SYT17: variants seen among roughly 807,000 people sequenced by gnomAD.
The protein encoded by SYT17 is synaptotagmin-17.
SYT17 carries 22 observed loss-of-function variants against 46.7 expected under a neutral mutation model. The observed-to-expected ratio is 0.47, with a 90% CI of 0.34 to 0.67. The LOEUF (loss-of-function observed/expected upper bound fraction) is 0.67. Ranked by LOEUF, SYT17 falls within the 30% of genes least tolerant of loss-of-function variation. SYT17 has a pLI of 0.01. For synonymous variants in SYT17, 251 were observed against 248.4 expected (o/e 1.01, Z -0.10); for missense variants, 519 against 612.8 (o/e 0.85, Z 1.62).
chr16:19,169,080 G>A (rs1483980732), intron 1 of SYT17, among the ~76,000 whole-genome samples: 1 of 151,978 alleles, frequency 6.6e-6, no homozygotes, highest in East Asian at 1.9e-4. Context: ...CCGGCGGAGC[G>A]AGCCTGAGGC....
intron 6 of SYT17, 49 bp downstream of exon 6, chr16:19,223,214 G>A: frequency 6.3e-7 from 1 of 1,596,172 alleles, no homozygotes; most frequent in Non-Finnish European, 8.6e-7. Flanking sequence ...GGGCATCTGT[G>A]TTTGTGTGGA....
intron 5 of SYT17, among the ~76,000 whole-genome samples, chr16:19,186,206 A>T (rs1409727220): frequency 1.3e-5 from 2 of 151,942 alleles, no homozygotes; most frequent in Non-Finnish European, 2.9e-5. Context: ...GCTGAGTGCA[A>T]TGGCTCACAC....
chr16:19,178,384 C>T (rs1187388623), intron 3 of SYT17, among the ~76,000 whole-genome samples: 1 of 151,970 alleles, frequency 6.6e-6, no homozygotes, highest in African/African-American at 2.4e-5. Flanking sequence ...CGTGCCCGCC[C>T]AGTTTCAAGT....
At chr16:19,173,002 A>T in intron 2 of SYT17, 1 of 601,578 alleles carries the variant, frequency 1.7e-6, no homozygotes, top group Non-Finnish European at 2.9e-6. Context: ...ATTCCGTTTG[A>T]TTATCTCTGT....
At chr16:19,229,763 G>T (rs917502135) in intron 7 of SYT17, among the ~76,000 whole-genome samples, 3 of 152,204 alleles carry the variant, frequency 2.0e-5, no homozygotes, top group African/African-American at 7.2e-5. Context: ...GTACACCTAC[G>T]TTCATAGCAG....
At chr16:19,208,987 G>A (rs889938092) in intron 5 of SYT17, among the ~76,000 whole-genome samples, 2 of 137,468 alleles carry the variant, frequency 1.5e-5, no homozygotes, top group Non-Finnish European at 3.0e-5. Context: ...CTGCCTTTCG[G>A]GTTCAAGGGA....
chr16:19,173,392 T>TC, intron 2 of SYT17, 38 bp from the exon 3 acceptor site: 11 of 102,126 alleles, frequency 1.1e-4, no homozygotes, highest in South Asian at 8.6e-4. Context: ...ACCTCCCCTC[T>TC]CCCCCATCCC....
chr16:19,178,755 C>T (rs1351107370), intron 3 of SYT17, among the ~76,000 whole-genome samples: 2 of 152,144 alleles, frequency 1.3e-5, no homozygotes, highest in Non-Finnish European at 2.9e-5. Context: ...AAATCTACAG[C>T]CATTATGGCT....
intron 5 of SYT17, among the ~76,000 whole-genome samples, chr16:19,210,471 G>A (rs565274372): frequency 6.8e-6 from 1 of 146,000 alleles, no homozygotes; most frequent in Non-Finnish European, 1.5e-5. Flanking sequence ...TTTTTAAAAG[G>A]GTATTTTTTT....
chr16:19,168,186 G>T (rs1280886249), upstream of SYT17: 2 of 192,912 alleles, frequency 1.0e-5, no homozygotes, highest in African/African-American at 4.8e-5. This position sits in a 1 kb window ranked among gnomAD's most constrained non-coding sequence, Gnocchi z 6.9. Flanking sequence ...GCTGACCTGT[G>T]TACCGCCCCC....
intron 7 of SYT17, among the ~76,000 whole-genome samples, chr16:19,251,349 C>A (rs1968052718): frequency 6.6e-6 from 1 of 152,172 alleles, no homozygotes; most frequent in Non-Finnish European, 1.5e-5. Context: ...CAGACACATG[C>A]CACATTAACC....
At position 19,168,869 on chromosome 16, in the gene SYT17, G is replaced by T. The variant is rs965419706; in HGVS notation, c.15+208G>T. On this transcript the variant is annotated intron_variant, in intron 1 of 7. Transcript: ENST00000355377. The surrounding 1 kb of genome is among the most constrained non-coding windows in gnomAD (Gnocchi z 6.9). ...GGGACCCCCAAACCCCGGGATGGAG[G>T]GTCCTATGTGTACTCTGCAACGCGC... Among the ~76,000 whole-genome samples, 1 of 152,138 alleles carries T rather than the reference G, an allele frequency of 6.6e-6. No individual in the cohort carries two copies. Among genetic ancestry groups the T allele is most frequent in the Non-Finnish European group, 1.5e-5 (1 of 68,012 alleles).
intron 5 of SYT17, among the ~76,000 whole-genome samples, chr16:19,218,316 G>A (rs1966173003): frequency 6.6e-6 from 1 of 152,196 alleles, no homozygotes; most frequent in Middle Eastern, 3.4e-3. Flanking sequence ...TCTATCAACT[G>A]CTCCCCTGAC....
At chr16:19,172,190 A>T in intron 1 of SYT17, 1 of 316,390 alleles carries the variant, frequency 3.2e-6, no homozygotes, top group African/African-American at 2.2e-5. Flanking sequence ...GGAAGGGAGG[A>T]CCTCCTTCCT....
chr16:19,221,316 G>A (rs976932901), intron 5 of SYT17, among the ~76,000 whole-genome samples: 4 of 152,076 alleles, frequency 2.6e-5, no homozygotes, highest in Non-Finnish European at 5.9e-5. Context: ...TTAGGAGCCT[G>A]ACTAAAGTTT....
intron 7 of SYT17, among the ~76,000 whole-genome samples, chr16:19,231,012 G>A (rs1166053232): frequency 2.6e-5 from 4 of 152,148 alleles, no homozygotes; most frequent in Non-Finnish European, 5.9e-5. Flanking sequence ...AAATAATATA[G>A]TTTATCTACG....
chr16:19,264,596 C>CGT (rs1555465065), intron 7 of SYT17, among the ~76,000 whole-genome samples: 6 of 145,436 alleles, frequency 4.1e-5, no homozygotes, highest in African/African-American at 1.3e-4. Context: ...TTTCCCCCAC[C>CGT]TTTTTTTTTT....
intron 7 of SYT17, among the ~76,000 whole-genome samples, chr16:19,239,228 A>T (rs1354971551): frequency 1.3e-5 from 2 of 152,056 alleles, no homozygotes; most frequent in African/African-American, 4.8e-5. Flanking sequence ...AGTGAGCTAT[A>T]ATCATACCAC....
chr16:19,243,798 A>G (rs1967314232), intron 7 of SYT17, among the ~76,000 whole-genome samples: 1 of 139,562 alleles, frequency 7.2e-6, no homozygotes, highest in African/African-American at 2.7e-5. Context: ...AGCCTGGGCA[A>G]CAAGAGCGAA....
Sources: gnomAD v4.1 joint callset for allele counts (sites outside exome capture counted in the v4.1 genomes callset) on GRCh38, gnomAD v4.1.1 for gene constraint, Gnocchi (gnomAD v3.1) non-coding constraint, MANE v1.5 for transcripts, NCBI Gene and HGNC (gene_info 2026-07-23, HGNC 2026-07-21) for gene names.